The following EIF3A variants were observed in gnomAD, a reference collection of about 807,000 sequenced individuals.
The protein encoded by EIF3A is EIF3, p180 subunit.
Under a neutral mutation model 186.6 loss-of-function variants are expected in EIF3A, and 21 were observed. The observed-to-expected ratio is 0.11, with a 90% CI of 0.08 to 0.16. The LOEUF (loss-of-function observed/expected upper bound fraction) is 0.16. Among genes scored for constraint, EIF3A ranks in the 10% least tolerant of loss-of-function variants. EIF3A has a pLI of 1.00. For missense variants in EIF3A, 1,306 were observed against 1,796.3 expected (o/e 0.73, Z 4.93); for synonymous variants, 563 against 584.3 (o/e 0.96, Z 0.52).
rs192083032 is a variant in EIF3A, at chr10:119,053,944, A to C, written c.2197-2623T>G. Among the ~76,000 whole-genome samples, 10 of 152,310 alleles carry C rather than the reference A, an allele frequency of 6.6e-5. No individual in the cohort carries two copies. In the East Asian group the frequency reaches 1.9e-3, roughly 29 times the overall value. ...TATTGATTGATTGATTGATTGAGAC[A>C]GAGTCTCCCATGGTTGCCCAGGGTG... is the stretch of plus-strand genomic sequence containing the variant. On this transcript the variant is annotated intron_variant, in intron 14 of 21. Coordinates refer to ENST00000369144, the MANE Select transcript of EIF3A (RefSeq NM_003750.4).
At chr10:119,038,815 C>T (rs1295995677) in intron 19 of EIF3A, among the ~76,000 whole-genome samples, 1 of 151,932 alleles carries the variant, frequency 6.6e-6, no homozygotes, top group Non-Finnish European at 1.5e-5. Context: ...AGCTACTTGA[C>T]TTAGGAGGCT....
chr10:119,076,465 T>C (rs976843715), intron 1 of EIF3A, among the ~76,000 whole-genome samples: 2 of 151,930 alleles, frequency 1.3e-5, no homozygotes, highest in African/African-American at 4.8e-5. Context: ...AAGTCCATCT[T>C]TCGCTGACTC....
chr10:119,059,647 T>A lies in EIF3A; in HGVS notation c.1398A>T (p.Gln466His). The A allele has an allele frequency of 1.9e-6, 3 of 1,614,136 alleles. No individual in the cohort carries two copies. Among genetic ancestry groups the A allele is most frequent in the Non-Finnish European group, 2.5e-6 (3 of 1,179,998 alleles). ...CTGCATCTACTATGGCCCGTTCCAG[T>A]TGGAAAGCATCAACAAAAGGAACCA... is the stretch of plus-strand genomic sequence containing the variant. ...TSLVPFVDAF[Q>H]LERAIVDAAR... The change falls in exon 10 of 22, where the codon CAA (glutamine) becomes CAT (histidine). Residue 466 changes from glutamine (Q) to histidine (H), a missense_variant. Gln to His is a conservative substitution (Grantham distance 24, BLOSUM62 0). Transcript: ENST00000369144.
At chr10:119,054,123 G>A (rs1337453031) in intron 14 of EIF3A, among the ~76,000 whole-genome samples, 1 of 152,096 alleles carries the variant, frequency 6.6e-6, no homozygotes. Flanking sequence ...TTCTTGCCAT[G>A]TTGGCCAGGC....
intron 19 of EIF3A, among the ~76,000 whole-genome samples, chr10:119,039,207 C>A (rs1169403694): frequency 6.6e-6 from 1 of 152,162 alleles, no homozygotes; most frequent in Non-Finnish European, 1.5e-5. Context: ...CCACCATTTG[C>A]CACCCATTAT....
At position 119,051,180 on chromosome 10, in the gene EIF3A, C is replaced by CA; in HGVS notation, c.2319+18dup. ...AGAAAGCTCATGAATAAACATTTCC[C>CA]AAAAATCAGCAAGCTCACCTCATAA... On this transcript the variant is annotated intron_variant, in intron 15 of 21. Transcript: ENST00000369144. The CA allele has an allele frequency of 6.3e-7, 1 of 1,588,374 alleles. No individual in the cohort carries two copies.
rs557735511 is a variant in EIF3A at position 119,077,575 on chromosome 10, G to A, written c.49+3053C>T. 2.6e-3 allele frequency among the ~76,000 whole-genome samples: 386 copies of A among 145,786 alleles called. 1 individual carries two copies. Among genetic ancestry groups the A allele is most frequent in the Non-Finnish European group, 4.7e-3 (313 of 66,824 alleles). ...CTCCGAATTTTTTTTTTTTTTTGGAGAAGGAGTCTCGCTCTGTCACCCACG... is the reference window on the plus strand; with the variant it reads ...CTCCGAATTTTTTTTTTTTTTTGGAAAAGGAGTCTCGCTCTGTCACCCACG... On this transcript the variant is annotated intron_variant, in intron 1 of 21. Transcript: ENST00000369144.
intron 14 of EIF3A, among the ~76,000 whole-genome samples, chr10:119,053,695 G>A (rs895212516): frequency 1.3e-5 from 2 of 152,110 alleles, no homozygotes; most frequent in African/African-American, 4.8e-5. Context: ...ACTCCAGCCT[G>A]GGTGATAGAG....
Position 119,042,912 on chromosome 10 carries a change from G to C in EIF3A, c.2748-140C>G. On this transcript the variant is annotated intron_variant, in intron 18 of 21. Transcript: ENST00000369144. This position sits in a 1 kb window ranked among gnomAD's most constrained non-coding sequence, Gnocchi z 7.8. ...TCGCACCTTTAATCCCAGCACTCTGGGAAGCAGAGGCAGGCAGATCACCTG... is the reference window on the plus strand; with the variant it reads ...TCGCACCTTTAATCCCAGCACTCTGCGAAGCAGAGGCAGGCAGATCACCTG... 1.1e-6 allele frequency: 1 copy of C among 886,270 alleles called. No homozygotes were observed. Among genetic ancestry groups the C allele is most frequent in the Non-Finnish European group, 1.6e-6 (1 of 607,104 alleles). The allele number at this position is 886,270 out of a possible 1,614,324, so 54.9% of individuals were successfully genotyped here. A position where few individuals can be genotyped will look rare whatever the true frequency, so the allele number is the denominator to read the frequency against.
chr10:119,070,626 T>A (rs981815540), intron 5 of EIF3A, among the ~76,000 whole-genome samples: 1 of 152,224 alleles, frequency 6.6e-6, no homozygotes, highest in African/African-American at 2.4e-5. Flanking sequence ...CGAGCAGCAC[T>A]GGCAATGTAT....
intron 6 of EIF3A, among the ~76,000 whole-genome samples, 192 bp downstream of exon 6, chr10:119,069,254 G>A (rs946244109): frequency 3.6e-4 from 55 of 152,306 alleles, no homozygotes; most frequent in African/African-American, 1.3e-3. Context: ...GCATCTAATG[G>A]GTAGAAGCTG....
intron 20 of EIF3A, among the ~76,000 whole-genome samples, chr10:119,037,806 G>A (rs183631381): frequency 2.1e-3 from 319 of 152,090 alleles, no homozygotes; most frequent in Non-Finnish European, 3.5e-3. Flanking sequence ...TAAAAGCAAC[G>A]GACTGACAAA....
rs747407286 is a variant in EIF3A, at chr10:119,042,815, A to G, written c.2748-43T>C. 8.6e-6 allele frequency: 13 copies of G among 1,513,650 alleles called. 1 individual carries two copies. In the East Asian group the frequency reaches 2.7e-4, roughly 32 times the overall value. 93.8% of individuals were successfully genotyped at this position (1,513,650 alleles called of 1,614,324 possible). ...CAATTAAAAATATATAAAATAAAAA[A>G]GCATATGATCCTTTGGGGATTTTTT... On this transcript the variant is annotated intron_variant, in intron 18 of 21. Transcript: ENST00000369144. The surrounding 1 kb of genome is among the most constrained non-coding windows in gnomAD (Gnocchi z 7.8).
intron 17 of EIF3A, among the ~76,000 whole-genome samples, chr10:119,049,547 T>C (rs1262897166): frequency 6.8e-6 from 1 of 147,578 alleles, no homozygotes; most frequent in African/African-American, 2.5e-5. Flanking sequence ...TAAATACATT[T>C]ACATAGGTAT....
intron 19 of EIF3A, among the ~76,000 whole-genome samples, chr10:119,041,120 G>A (rs1424501370): frequency 6.6e-6 from 1 of 152,042 alleles, no homozygotes; most frequent in Non-Finnish European, 1.5e-5. Flanking sequence ...AGAGGTTGCA[G>A]TGAGCTGAGA....
intron 1 of EIF3A, among the ~76,000 whole-genome samples, chr10:119,077,747 G>A (rs1844201010): frequency 6.6e-6 from 1 of 151,940 alleles, no homozygotes; most frequent in South Asian, 2.1e-4. Context: ...ACTAGAGACG[G>A]TTTCACTGTG....
chr10:119,038,177 G>A, intron 20 of EIF3A, 61 bp downstream of exon 20: 1 of 1,445,834 alleles, frequency 6.9e-7, no homozygotes, highest in South Asian at 1.2e-5. Context: ...CAAAGTGCTG[G>A]GATTACAGGC....
intron 9 of EIF3A, among the ~76,000 whole-genome samples, chr10:119,060,435 T>C (rs751891661): frequency 6.6e-5 from 10 of 151,460 alleles, no homozygotes; most frequent in Non-Finnish European, 1.5e-5. Context: ...AAAAAAAAAA[T>C]CTAGGAATAC....
In EIF3A at chr10:119,059,661, C is replaced by A; in HGVS notation, c.1384G>T (p.Val462Phe). Residue 462 changes from valine (V) to phenylalanine (F), a missense_variant, in exon 10 of 22, where the codon GTT (valine) becomes TTT (phenylalanine). This residue lies in a region of EIF3A where 267 missense variants were observed against 367.8 expected (regional missense o/e 0.73). Transcript: ENST00000369144. ...GCCCGTTCCAGTTGGAAAGCATCAA[C>A]AAAAGGAACCAAAGAAGTCAAACGA... ...FSRLTSLVPF[V>F]DAFQLERAIV... 6.2e-7 allele frequency: 1 copy of A among 1,614,126 alleles called. No homozygotes were observed. The highest frequency in any genetic ancestry group is 8.5e-7 in the Non-Finnish European group (1 of 1,180,016).
Sources: gnomAD v4.1 joint callset for allele counts (sites outside exome capture counted in the v4.1 genomes callset) on GRCh38, gnomAD v4.1.1 for gene constraint, gnomAD v4.1.1 regional missense constraint, Gnocchi (gnomAD v3.1) non-coding constraint, MANE v1.5 for transcripts, NCBI Gene and HGNC (gene_info 2026-07-23, HGNC 2026-07-21) for gene names.